CAMTA1: variants seen among roughly 807,000 people sequenced by gnomAD.
The protein encoded by CAMTA1 is calmodulin-binding transcription activator 1.
A neutral mutation model predicts 170.9 loss-of-function variants in CAMTA1; 27 were observed. The ratio of observed to expected loss-of-function variants is 0.16; its 90% CI spans 0.12 to 0.22. The LOEUF is 0.22. CAMTA1 is among the 10% of genes least tolerant of loss of function. CAMTA1 has a pLI of 1.00. For synonymous variants in CAMTA1, 833 were observed against 891.5 expected, an observed-to-expected ratio of 0.93 and a Z score of 1.17; for missense variants, 1,619 against 2,217.2, an observed-to-expected ratio of 0.73 and a Z score of 5.42.
chr1:7,663,429 A>AG lies in CAMTA1; in HGVS notation c.888dup (p.Tyr297ValfsTer11). 1 of 1,569,360 alleles carries AG rather than the reference A, an allele frequency of 6.4e-7. No individual in the cohort carries two copies. The highest frequency in any genetic ancestry group is 8.7e-7 in the Non-Finnish European group (1 of 1,152,656). On this transcript the variant is annotated frameshift_variant, in exon 9 of 23. Coordinates refer to ENST00000303635, the MANE Select transcript of CAMTA1 (RefSeq NM_015215.4). LOFTEE classifies it high-confidence loss of function. Reference sequence around the variant, plus strand: ...TCTCGCCCAAGGTGGAGCCACGGACAGGGGGGTACGGGAGCCACTCGGAGG... The same window carrying AG: ...TCTCGCCCAAGGTGGAGCCACGGACAGGGGGGGTACGGGAGCCACTCGGAGG...
chr1:6,847,158 T>C (rs1162015326), intron 3 of CAMTA1, among the ~76,000 whole-genome samples: 1 of 152,010 alleles, frequency 6.6e-6, no homozygotes, highest in East Asian at 1.9e-4. Context: ...CTTGTGCCAC[T>C]GCGCCTGGCT....
At chr1:7,170,319 T>G (rs1294428849) in intron 4 of CAMTA1, among the ~76,000 whole-genome samples, 1 of 152,070 alleles carries the variant, frequency 6.6e-6, no homozygotes, top group East Asian at 1.9e-4. Flanking sequence ...TAATTTTACT[T>G]TAAGTTCTGG....
In CAMTA1 at chr1:7,216,218, A is replaced by C. The variant is rs1174036723; in HGVS notation, c.303-33273A>C. ...ATCTCCTGAGAACTCACTCACTATC[A>C]CAAAAACAGCAAGGGGGAAATCCTC... On this transcript the variant is annotated intron_variant, in intron 4 of 22. Transcript: ENST00000303635. This position sits in a 1 kb window ranked among gnomAD's most constrained non-coding sequence, Gnocchi z 4.0. Among the ~76,000 whole-genome samples, 1 of 152,144 alleles carries C rather than the reference A, an allele frequency of 6.6e-6. No individual in the cohort carries two copies. Among genetic ancestry groups the C allele is most frequent in the Non-Finnish European group, 1.5e-5 (1 of 68,024 alleles).
intron 3 of CAMTA1, among the ~76,000 whole-genome samples, chr1:7,035,431 C>A (rs1216301709): frequency 6.6e-6 from 1 of 152,012 alleles, no homozygotes; most frequent in Non-Finnish European, 1.5e-5. Flanking sequence ...TTGATTGCTT[C>A]ATTAAGGAAT....
chr1:6,841,458 A>G (rs1655662090), intron 3 of CAMTA1, among the ~76,000 whole-genome samples: 2 of 152,156 alleles, frequency 1.3e-5, no homozygotes, highest in African/African-American at 4.8e-5. Flanking sequence ...TGGTCAACTG[A>G]TTAGTAACCT....
At chr1:7,114,210 C>A (rs1244452499) in intron 4 of CAMTA1, among the ~76,000 whole-genome samples, 2 of 152,154 alleles carry the variant, frequency 1.3e-5, no homozygotes, top group Non-Finnish European at 2.9e-5. Context: ...CACCCAGACC[C>A]AGTGGCAGCA....
intron 4 of CAMTA1, among the ~76,000 whole-genome samples, chr1:7,242,819 G>A (rs937967037): frequency 1.1e-4 from 16 of 143,808 alleles, no homozygotes; most frequent in African/African-American, 3.1e-4. Context: ...AAAATTAGCC[G>A]GGCATGGTGG....
At chr1:7,289,447 C>T (rs148893833) in intron 5 of CAMTA1, among the ~76,000 whole-genome samples, 11 of 152,222 alleles carry the variant, frequency 7.2e-5, no homozygotes, top group South Asian at 2.1e-4. Flanking sequence ...ACCCTGTCCT[C>T]GGAGGCAGGT....
rs139067573 is a variant in CAMTA1, at chr1:7,432,763, C to T, written c.439-35067C>T. Among the ~76,000 whole-genome samples the T allele has an allele frequency of 6.4e-3, 968 of 152,356 alleles. 25 individuals carry two copies. The highest frequency in any genetic ancestry group is 0.045 in the Admixed American group (685 of 15,302). ...ACAAAATTTGCCGTCCCCCTTGTGG[C>T]CCTGCATCTCCTGTTATCTCTATTC... is the stretch of plus-strand genomic sequence containing the variant. On this transcript the variant is annotated intron_variant, in intron 5 of 22. Coordinates refer to ENST00000303635, the MANE Select transcript of CAMTA1 (RefSeq NM_015215.4).
chr1:7,616,041 T>A (rs1020975131), intron 6 of CAMTA1, among the ~76,000 whole-genome samples: 1 of 152,264 alleles, frequency 6.6e-6, no homozygotes, highest in African/African-American at 2.4e-5. Context: ...AGATTATTAT[T>A]CCCATTTACC....
intron 6 of CAMTA1, among the ~76,000 whole-genome samples, chr1:7,504,419 C>T (rs1213253377): frequency 6.6e-6 from 1 of 152,242 alleles, no homozygotes; most frequent in East Asian, 1.9e-4. Context: ...CCTTTGGTAT[C>T]TGAGGACCCT....
intron 4 of CAMTA1, among the ~76,000 whole-genome samples, chr1:7,174,524 T>C (rs1650351100): frequency 6.6e-6 from 1 of 152,214 alleles, no homozygotes; most frequent in Admixed American, 6.5e-5. Flanking sequence ...GACTGGAAGA[T>C]TCCAGAAGGG....
chr1:7,116,915 G>T (rs1300981295), intron 4 of CAMTA1, among the ~76,000 whole-genome samples: 1 of 151,738 alleles, frequency 6.6e-6, no homozygotes, highest in East Asian at 1.9e-4. Flanking sequence ...GCCTCCCAAA[G>T]TGCTGGGATT....
chr1:7,265,774 G>A (rs1668830624), intron 5 of CAMTA1, among the ~76,000 whole-genome samples: 2 of 152,042 alleles, frequency 1.3e-5, no homozygotes, highest in Admixed American at 6.5e-5. Flanking sequence ...ATTTCCACTG[G>A]ACAGCCCTGG....
At chr1:7,639,627 G>T (rs966226046) in intron 6 of CAMTA1, among the ~76,000 whole-genome samples, 1 of 152,170 alleles carries the variant, frequency 6.6e-6, no homozygotes, top group Admixed American at 6.5e-5. Flanking sequence ...ACAAAAATTA[G>T]CCAGGCATGG....
chr1:6,850,036 GAAAAAA>G (rs146898163), intron 3 of CAMTA1, among the ~76,000 whole-genome samples: 1 of 65,088 alleles, frequency 1.5e-5, no homozygotes. Flanking sequence ...CTTTGTCTCA[GAAAAAA>G]AAAAAAAAAA....
At chr1:7,470,768 T>C (rs539743513) in intron 6 of CAMTA1, among the ~76,000 whole-genome samples, 46 of 152,368 alleles carry the variant, frequency 3.0e-4, no homozygotes, top group East Asian at 2.3e-3. Context: ...CTCAGTTCAG[T>C]GGCCGCCTCC....
rs150643647 is a variant in CAMTA1 at position 6,919,953 on chromosome 1, A to G, written c.234+94743A>G. Among the ~76,000 whole-genome samples, 690 of 151,902 alleles carry G rather than the reference A, an allele frequency of 4.5e-3. 8 individuals carry two copies. The highest frequency in any genetic ancestry group is 0.016 in the African/African-American group (674 of 41,414). ...GCTACAAGATGAGATTTGGGTGGGGACACAGAGCTAAACCATATCATTCCT... is the reference window on the plus strand; with the variant it reads ...GCTACAAGATGAGATTTGGGTGGGGGCACAGAGCTAAACCATATCATTCCT... On this transcript the variant is annotated intron_variant, in intron 3 of 22. Coordinates refer to ENST00000303635, the MANE Select transcript of CAMTA1 (RefSeq NM_015215.4).
intron 5 of CAMTA1, among the ~76,000 whole-genome samples, chr1:7,448,855 C>T (rs12035835): frequency 0.1 from 15,634 of 152,246 alleles, 1,289 homozygotes; most frequent in East Asian, 0.34. Flanking sequence ...AATTTGGGGA[C>T]ACAAAAACAT....
Sources: gnomAD v4.1 joint callset for allele counts (sites outside exome capture counted in the v4.1 genomes callset) on GRCh38, gnomAD v4.1.1 for gene constraint, Gnocchi (gnomAD v3.1) non-coding constraint, MANE v1.5 for transcripts, NCBI Gene and HGNC (gene_info 2026-07-23, HGNC 2026-07-21) for gene names.